The following DPYSL4 variants were observed in gnomAD, a reference collection of about 807,000 sequenced individuals.
DPYSL4 encodes the protein dihydropyrimidinase-related protein 4.
A neutral mutation model predicts 63.4 loss-of-function variants in DPYSL4; 43 were observed. That is an observed-to-expected ratio of 0.68 (90% CI 0.53 to 0.88). The LOEUF is 0.88. DPYSL4 is among the 40% of genes least tolerant of loss of function. The pLI, the probability that DPYSL4 is intolerant of heterozygous loss-of-function variation, is 0.00. For synonymous variants in DPYSL4, 353 were observed against 331.7 expected (o/e 1.06, Z -0.70); for missense variants, 733 against 819.5 (o/e 0.89, Z 1.29).
At position 132,205,363 on chromosome 10, in the gene DPYSL4, G is replaced by A. The variant is rs116862342; in HGVS notation, c.*433G>A. The A allele has an allele frequency of 9.3e-3, 1,504 of 162,162 alleles. 32 individuals are homozygous for A. Among genetic ancestry groups the A allele is most frequent in the East Asian group, 0.084 (461 of 5,472 alleles). The allele number at this position is 162,162 out of a possible 1,614,324, so 10.0% of individuals were successfully genotyped here. A position where few individuals can be genotyped will look rare whatever the true frequency, so the allele number is the denominator to read the frequency against. ...CCCCACCACCAGTCACTGCCTCGCA[G>A]AGCCCTACACTCCCGCAGCCGCTCC... On this transcript the variant is annotated 3_prime_UTR_variant, in exon 14 of 14. Transcript: ENST00000338492.
rs79710119 is a variant in DPYSL4 at position 132,196,230 on chromosome 10, C to T, written c.479-631C>T. 7.7e-3 allele frequency among the ~76,000 whole-genome samples: 1,176 copies of T among 152,302 alleles called. 17 individuals carry two copies. Among genetic ancestry groups the T allele is most frequent in the African/African-American group, 0.026 (1,078 of 41,568 alleles). On this transcript the variant is annotated intron_variant, in intron 4 of 13. Coordinates refer to ENST00000338492, the MANE Select transcript of DPYSL4 (RefSeq NM_006426.3). ...CCCAGGCCGGTCCCCACACAAGTTC[C>T]GAGTCCTGGGGGAGGTGGATGGGCT... is the stretch of plus-strand genomic sequence containing the variant.
At position 132,197,087 on chromosome 10, in the gene DPYSL4, G is replaced by C. The variant is rs775889476; in HGVS notation, c.607G>C (p.Asp203His). 3 of 1,528,010 alleles carry C rather than the reference G, an allele frequency of 2.0e-6. No individual in the cohort carries two copies. The highest frequency in any genetic ancestry group is 2.5e-5 in the South Asian group (2 of 79,674). The allele number at this position is 1,528,010 out of a possible 1,614,324, so 94.7% of individuals were successfully genotyped here. A position where few individuals can be genotyped will look rare whatever the true frequency, so the allele number is the denominator to read the frequency against. The change falls in exon 6 of 14, where the codon GAC (aspartate) becomes CAC (histidine). Residue 203 changes from aspartate (D) to histidine (H), a missense_variant. Transcript: ENST00000338492. The stretch of plus-strand genomic sequence containing the variant: ...GGCCCAGGTGCACGCTGAGAACGGG[G>C]ACATCGTGGAGGAGGTGCCGTGGGG... Reference protein sequence around the residue: ...ALAQVHAENGDIVEEEQKRLL... With the variant: ...ALAQVHAENGHIVEEEQKRLL...
At position 132,202,715 on chromosome 10, in the gene DPYSL4, C is replaced by A. The variant is rs2062035735; in HGVS notation, c.1351C>A (p.Arg451=). 1.2e-6 allele frequency: 2 copies of A among 1,613,310 alleles called. No homozygotes were observed. The highest frequency in any genetic ancestry group is 1.7e-6 in the Non-Finnish European group (2 of 1,179,992). The change falls in exon 12 of 14, where the codon CGA becomes AGA. Residue 451 remains arginine (R), a synonymous_variant. Transcript: ENST00000338492. ...GAPAVVISQG[R]VALEDGKMFV... The stretch of plus-strand genomic sequence containing the variant: ...GCCTGCCGTGGTCATAAGTCAGGGC[C>A]GAGTGGCGCTGGAGGACGGGAAGAT...
intron 10 of DPYSL4, 121 bp from the exon 11 acceptor site, chr10:132,201,825 C>T (rs556759666): frequency 2.7e-6 from 3 of 1,116,350 alleles, no homozygotes; most frequent in East Asian, 2.5e-5. Flanking sequence ...CGTCTGTCCT[C>T]ACGGGGGCCT....
intron 12 of DPYSL4, 54 bp from the exon 13 acceptor site, chr10:132,203,708 A>T: frequency 6.9e-7 from 1 of 1,448,364 alleles, no homozygotes; most frequent in Non-Finnish European, 9.2e-7. Flanking sequence ...CTGGCCCCAC[A>T]GCTGCCCAGG....
At chr10:132,190,513 C>T (rs1184695673) in intron 1 of DPYSL4, among the ~76,000 whole-genome samples, 3 of 152,250 alleles carry the variant, frequency 2.0e-5, no homozygotes, top group Admixed American at 1.3e-4. Context: ...TTGCCCTCAG[C>T]GAGGTCTGAG....
intron 12 of DPYSL4, 71 bp downstream of exon 12, chr10:132,202,896 C>A: frequency 2.0e-6 from 3 of 1,499,964 alleles, no homozygotes; most frequent in Non-Finnish European, 2.7e-6. Context: ...CAGAACGCAC[C>A]CCTGGTCAAC....
At chr10:132,193,882 T>C (rs2061907891) in intron 3 of DPYSL4, among the ~76,000 whole-genome samples, 2 of 152,180 alleles carry the variant, frequency 1.3e-5, no homozygotes, top group African/African-American at 4.8e-5. Context: ...CTTGGTTTGG[T>C]TTACTCAGCC....
Position 132,189,395 on chromosome 10 carries a change from C to T in DPYSL4, c.40-1352C>T, listed in dbSNP as rs57202235. The stretch of plus-strand genomic sequence containing the variant: ...CATGCAGAGTCCCATCAGTGACACC[C>T]TACTTTCTGCCTAATCTTCTGCTTC... On this transcript the variant is annotated intron_variant, in intron 1 of 13. Coordinates refer to ENST00000338492, the MANE Select transcript of DPYSL4 (RefSeq NM_006426.3). Among the ~76,000 whole-genome samples, 1,497 of 152,354 alleles carry T rather than the reference C, an allele frequency of 9.8e-3. 25 individuals are homozygous for T. Among genetic ancestry groups the T allele is most frequent in the African/African-American group, 0.033 (1,374 of 41,580 alleles).
At chr10:132,194,429 G>A (rs1032126630) in intron 3 of DPYSL4, among the ~76,000 whole-genome samples, 1 of 152,220 alleles carries the variant, frequency 6.6e-6, no homozygotes, top group African/African-American at 2.4e-5. Context: ...GTTCTAGGAA[G>A]GCACCCAGAG....
At chr10:132,197,871 G>A (rs2061965589) in intron 6 of DPYSL4, among the ~76,000 whole-genome samples, 1 of 152,220 alleles carries the variant, frequency 6.6e-6, no homozygotes, top group Non-Finnish European at 1.5e-5. Context: ...CCAAGGCCAG[G>A]CCCCGGCTGC....
intron 3 of DPYSL4, 46 bp from the exon 4 acceptor site, chr10:132,194,799 A>G: frequency 6.3e-7 from 1 of 1,595,938 alleles, no homozygotes; most frequent in Admixed American, 1.7e-5. Context: ...CAGAGGTGGG[A>G]ACCAGGGACC....
At chr10:132,189,311 C>T (rs1251870448) in intron 1 of DPYSL4, among the ~76,000 whole-genome samples, 1 of 151,082 alleles carries the variant, frequency 6.6e-6, no homozygotes, top group Non-Finnish European at 1.5e-5. Flanking sequence ...TCCTTTCACT[C>T]CTTTTTTGTG....
rs534238804 is a variant in DPYSL4 at position 132,200,795 on chromosome 10, T to C, written c.969-47T>C. 37 of 1,593,708 alleles carry C rather than the reference T, an allele frequency of 2.3e-5. No homozygotes were observed. In the East Asian group the frequency reaches 4.0e-4, roughly 17 times the overall value. ...AGGGGGCTGGAGCTGACCTGGCCTC[T>C]GCCGGCTCAGGAAGGCCAGGACCCT... On this transcript the variant is annotated intron_variant, in intron 9 of 13. Coordinates refer to ENST00000338492, the MANE Select transcript of DPYSL4 (RefSeq NM_006426.3).
intron 1 of DPYSL4, 148 bp from the exon 2 acceptor site, chr10:132,190,599 G>A (rs2061861521): frequency 2.9e-6 from 2 of 681,616 alleles, no homozygotes; most frequent in Non-Finnish European, 4.8e-6. Context: ...TTGGGGAATA[G>A]TAAGCCGCTG....
chr10:132,187,928 A>T (rs756161876), intron 1 of DPYSL4, among the ~76,000 whole-genome samples: 3 of 152,140 alleles, frequency 2.0e-5, no homozygotes, highest in Non-Finnish European at 2.9e-5. Flanking sequence ...ATGGGGTCCC[A>T]GACCCGACTC....
At chr10:132,203,995 A>G in intron 13 of DPYSL4, 68 bp downstream of exon 13, 1 of 1,537,144 alleles carries the variant, frequency 6.5e-7, no homozygotes, top group South Asian at 1.2e-5. Context: ...CTCAGGTACC[A>G]GGGCCCAGCC....
chr10:132,204,985 C>T lies in DPYSL4; in HGVS notation c.*55C>T. On this transcript the variant is annotated 3_prime_UTR_variant, in exon 14 of 14. Coordinates refer to ENST00000338492, the MANE Select transcript of DPYSL4 (RefSeq NM_006426.3). ...TGGCCCCACCCGAGGCCGCGGGGGC[C>T]CCAGGGCACTCGCCCCCCTCCTTAG... 1 of 1,444,264 alleles carries T rather than the reference C, an allele frequency of 6.9e-7. No individual in the cohort carries two copies. Among genetic ancestry groups the T allele is most frequent in the Non-Finnish European group, 9.4e-7 (1 of 1,061,656 alleles). The allele number at this position is 1,444,264 out of a possible 1,614,324, so 89.5% of individuals were successfully genotyped here. A position where few individuals can be genotyped will look rare whatever the true frequency, so the allele number is the denominator to read the frequency against.
At chr10:132,193,367 G>A (rs1222391957) in intron 3 of DPYSL4, among the ~76,000 whole-genome samples, 3 of 152,270 alleles carry the variant, frequency 2.0e-5, no homozygotes, top group African/African-American at 7.2e-5. Context: ...CTGGCTGCGT[G>A]CCCGGCACGG....
Sources: gnomAD v4.1 joint callset for allele counts (sites outside exome capture counted in the v4.1 genomes callset) on GRCh38, gnomAD v4.1.1 for gene constraint, MANE v1.5 for transcripts, NCBI Gene and HGNC (gene_info 2026-07-23, HGNC 2026-07-21) for gene names.